Variants in GTF2IRD1 observed in about 807,000 individuals in gnomAD.
GTF2IRD1 encodes general transcription factor II-I repeat domain-containing protein 1.
In GTF2IRD1, 26 loss-of-function variants were observed where a neutral mutation model predicts 113.2. The observed-to-expected ratio is 0.23, with a 90% CI of 0.17 to 0.32. The LOEUF is 0.32. Among genes scored for constraint, GTF2IRD1 ranks in the 10% least tolerant of loss-of-function variants. The probability of loss-of-function intolerance (pLI) is 1.00; values close to 1 mark genes in which losing one functional copy is unlikely to be tolerated. For synonymous variants in GTF2IRD1, 484 were observed against 529.1 expected, an observed-to-expected ratio of 0.91 and a Z score of 1.17; for missense variants, 864 against 1,280.8, an observed-to-expected ratio of 0.67 and a Z score of 4.97.
chr7:74,516,075 G>A lies in GTF2IRD1; in HGVS notation c.421+479G>A, dbSNP rs587759528. Among the ~76,000 whole-genome samples the A allele has an allele frequency of 2.6e-5, 4 of 152,312 alleles. No homozygotes were observed. The East Asian group carries it at 7.7e-4, about 29-fold the overall frequency. Reference sequence around the variant, plus strand: ...TCCCACTAGGTGACAGGGCCCTACTGACCTCTCTACAGAACCACTTCCAGT... The same window carrying A: ...TCCCACTAGGTGACAGGGCCCTACTAACCTCTCTACAGAACCACTTCCAGT... On this transcript the variant is annotated intron_variant, in intron 4 of 26. Coordinates refer to ENST00000424337, the MANE Select transcript of GTF2IRD1 (RefSeq NM_005685.4).
intron 17 of GTF2IRD1, 108 bp downstream of exon 17, chr7:74,547,394 A>C: frequency 3.7e-6 from 3 of 812,294 alleles, no homozygotes; most frequent in Non-Finnish European, 6.0e-6. Context: ...CAGCCACCTG[A>C]ATAGCTGGGA....
intron 21 of GTF2IRD1, among the ~76,000 whole-genome samples, 158 bp from the exon 22 acceptor site, chr7:74,559,469 C>T (rs587688462): frequency 5.1e-4 from 77 of 152,350 alleles, no homozygotes; most frequent in African/African-American, 1.5e-3. Flanking sequence ...CTCAGTGTCC[C>T]GCACACACAG....
chr7:74,466,913 G>GC (rs1298301914), intron 1 of GTF2IRD1, among the ~76,000 whole-genome samples: 4 of 151,342 alleles, frequency 2.6e-5, no homozygotes, highest in African/African-American at 9.7e-5. Context: ...CGGGGTGGGG[G>GC]CCCATGAAGG....
At chr7:74,538,244 T>C in intron 12 of GTF2IRD1, 71 bp downstream of exon 12, 3 of 1,483,034 alleles carry the variant, frequency 2.0e-6, no homozygotes, top group South Asian at 1.1e-5. Context: ...CCCGGCAGCC[T>C]TGGGGAGGAG....
At chr7:74,503,821 C>T (rs895260231) in intron 1 of GTF2IRD1, among the ~76,000 whole-genome samples, 4 of 152,116 alleles carry the variant, frequency 2.6e-5, no homozygotes, top group South Asian at 2.1e-4. Context: ...GTATATTGTA[C>T]GATGCTGAGA....
chr7:74,453,997 C>G lies in GTF2IRD1; in HGVS notation c.-186C>G, dbSNP rs1246974462. On this transcript the variant is annotated 5_prime_UTR_variant, in exon 1 of 27. Coordinates refer to ENST00000424337, the MANE Select transcript of GTF2IRD1 (RefSeq NM_005685.4). Reference sequence around the variant, plus strand: ...CAGCCCCCCGGCCGGCCGATTCCCCCCCCGCGCCCCCTCCCCGCGCCTCCC... The same window carrying G: ...CAGCCCCCCGGCCGGCCGATTCCCCGCCCGCGCCCCCTCCCCGCGCCTCCC... The G allele has an allele frequency of 6.7e-6, 1 of 148,528 alleles. No homozygotes were observed. Among genetic ancestry groups the G allele is most frequent in the Non-Finnish European group, 1.5e-5 (1 of 66,544 alleles). The allele number at this position is 148,528 out of a possible 1,614,324, so 9.2% of individuals were successfully genotyped here. A position where few individuals can be genotyped will look rare whatever the true frequency, so the allele number is the denominator to read the frequency against.
intron 22 of GTF2IRD1, among the ~76,000 whole-genome samples, chr7:74,585,698 A>T (rs587656218): frequency 3.9e-5 from 6 of 152,064 alleles, no homozygotes; most frequent in African/African-American, 1.4e-4. Flanking sequence ...CCTGAGTAAC[A>T]TGGTGAAACC....
intron 2 of GTF2IRD1, among the ~76,000 whole-genome samples, chr7:74,509,452 G>A (rs1796495073): frequency 6.6e-6 from 1 of 151,978 alleles, no homozygotes; most frequent in Non-Finnish European, 1.5e-5. Flanking sequence ...AGAATTGCTT[G>A]AACCTGGGAG....
At chr7:74,491,944 A>T (rs1412613150) in intron 1 of GTF2IRD1, among the ~76,000 whole-genome samples, 1 of 152,104 alleles carries the variant, frequency 6.6e-6, no homozygotes, top group African/African-American at 2.4e-5. Flanking sequence ...AACAGTGTAT[A>T]AGTGTTCCTT....
At chr7:74,474,150 G>C (rs929419879) in intron 1 of GTF2IRD1, among the ~76,000 whole-genome samples, 6 of 152,180 alleles carry the variant, frequency 3.9e-5, no homozygotes, top group Non-Finnish European at 7.3e-5. Flanking sequence ...GGCTGAGGCA[G>C]GAGAATTGCT....
At chr7:74,467,983 G>A (rs1793827659) in intron 1 of GTF2IRD1, among the ~76,000 whole-genome samples, 1 of 152,180 alleles carries the variant, frequency 6.6e-6, no homozygotes, top group Admixed American at 6.5e-5. Context: ...ATGCATGGGT[G>A]TGTATATGCA....
At chr7:74,487,416 T>G (rs565214280) in intron 1 of GTF2IRD1, 1 of 152,194 alleles carries the variant, frequency 6.6e-6, no homozygotes, top group Non-Finnish European at 1.5e-5. Flanking sequence ...TAAGAAATAC[T>G]AAGTCACCCA....
chr7:74,494,777 G>A (rs1449836674), intron 1 of GTF2IRD1, among the ~76,000 whole-genome samples: 1 of 151,460 alleles, frequency 6.6e-6, no homozygotes, highest in African/African-American at 2.4e-5. Flanking sequence ...TAGAGACAGG[G>A]TTCTCACTCT....
intron 22 of GTF2IRD1, among the ~76,000 whole-genome samples, chr7:74,584,886 C>T (rs1554367237): frequency 6.6e-6 from 1 of 152,090 alleles, no homozygotes; most frequent in Non-Finnish European, 1.5e-5. Flanking sequence ...TCTGTAACCT[C>T]CGCCTCCCAG....
intron 1 of GTF2IRD1, among the ~76,000 whole-genome samples, chr7:74,477,093 G>C (rs561085463): frequency 6.6e-6 from 1 of 152,280 alleles, no homozygotes; most frequent in East Asian, 1.9e-4. Flanking sequence ...GCTGGGCGTG[G>C]TGGATCGCGC....
At chr7:74,544,567 G>C (rs587616238) in intron 14 of GTF2IRD1, among the ~76,000 whole-genome samples, 188 bp from the exon 15 acceptor site, 1 of 152,342 alleles carries the variant, frequency 6.6e-6, no homozygotes, top group Admixed American at 6.5e-5. Context: ...ATCTCAGCCT[G>C]CTTTCGTGTG....
chr7:74,576,489 A>G, intron 22 of GTF2IRD1, among the ~76,000 whole-genome samples: 1 of 147,080 alleles, frequency 6.8e-6, no homozygotes, highest in Non-Finnish European at 1.5e-5. Context: ...TGAACCCAGG[A>G]GGCGGAGTTT....
At chr7:74,505,152 T>C (rs1316212079) in intron 1 of GTF2IRD1, among the ~76,000 whole-genome samples, 3 of 152,160 alleles carry the variant, frequency 2.0e-5, no homozygotes, top group Admixed American at 2.0e-4. Flanking sequence ...CCCAAAGTGC[T>C]GGGACTATAA....
At position 74,508,163 on chromosome 7, in the gene GTF2IRD1, A is replaced by G. The variant is rs1554341682; in HGVS notation, c.83A>G (p.Asp28Gly). The G allele has an allele frequency of 6.2e-7, 1 of 1,612,802 alleles. No individual in the cohort carries two copies. Among genetic ancestry groups the G allele is most frequent in the South Asian group, 1.1e-5 (1 of 91,070 alleles). Residue 28 changes from aspartate to glycine, a missense_variant, in exon 2 of 27, where the codon GAC (aspartate) becomes GGC (glycine). Physicochemically the swap from Asp to Gly is moderately conservative, Grantham distance 94 (BLOSUM62 -1). Transcript: ENST00000424337. ...TGGAACTCCGCGTTCACCCGCAAAG[A>G]CGAGATCATCACCAGCCTCGTGTCT... Reference protein sequence around the residue: ...DRWNSAFTRKDEIITSLVSAL... With the variant: ...DRWNSAFTRKGEIITSLVSAL...
Sources: allele counts gnomAD v4.1 joint callset (sites outside exome capture counted in the v4.1 genomes callset), GRCh38; gene constraint gnomAD v4.1.1; transcripts MANE v1.5; gene names NCBI Gene and HGNC (gene_info 2026-07-23, HGNC 2026-07-21).